Variants in GRIK3 observed in about 807,000 individuals in gnomAD.
GRIK3 encodes glutamate ionotropic receptor kainate type subunit 3.
In GRIK3, 29 loss-of-function variants were observed where a neutral mutation model predicts 102.5. The ratio of observed to expected loss-of-function variants is 0.28; its 90% CI spans 0.21 to 0.39. The LOEUF (loss-of-function observed/expected upper bound fraction) is 0.39, where lower values mean the gene tolerates loss of function less well. Ranked by LOEUF, GRIK3 falls within the 10% of genes least tolerant of loss-of-function variation. The probability of loss-of-function intolerance (pLI) is 1.00; values close to 1 mark genes in which losing one functional copy is unlikely to be tolerated. For synonymous variants in GRIK3, 511 were observed against 504.9 expected (o/e 1.01, Z -0.16); for missense variants, 908 against 1,252.4 (o/e 0.73, Z 4.15).
chr1:36,831,656 T>A (rs1640301180), intron 10 of GRIK3, among the ~76,000 whole-genome samples: 1 of 152,226 alleles, frequency 6.6e-6, no homozygotes, highest in African/African-American at 2.4e-5. Context: ...CCTGCAACGA[T>A]GAAAAGGTTC....
At position 36,920,935 on chromosome 1, in the gene GRIK3, C is replaced by A. The variant is rs531388940; in HGVS notation, c.116-29839G>T. On this transcript the variant is annotated intron_variant, in intron 1 of 15. Transcript: ENST00000373091. ...CCTGCATGCCTGCTGCCTCCCGCCC[C>A]CTCCATGCATACTGGCTGTTAGGAT... is the stretch of plus-strand genomic sequence containing the variant. Among the ~76,000 whole-genome samples, 3 of 152,228 alleles carry A rather than the reference C, an allele frequency of 2.0e-5. No individual in the cohort carries two copies. The South Asian group carries it at 6.2e-4, about 31-fold the overall frequency.
At chr1:37,026,654 G>A (rs765532407) in intron 1 of GRIK3, among the ~76,000 whole-genome samples, 8 of 152,180 alleles carry the variant, frequency 5.3e-5, no homozygotes, top group African/African-American at 1.2e-4. Flanking sequence ...AACAATAGCT[G>A]CACGTGGTTC....
intron 2 of GRIK3, among the ~76,000 whole-genome samples, chr1:36,888,125 C>T (rs556926329): frequency 6.6e-6 from 1 of 151,910 alleles, no homozygotes; most frequent in Non-Finnish European, 1.5e-5. Context: ...GGTAATAGCC[C>T]CAAGCAGAAA....
At chr1:37,016,243 A>T (rs1642651122) in intron 1 of GRIK3, among the ~76,000 whole-genome samples, 1 of 152,202 alleles carries the variant, frequency 6.6e-6, no homozygotes, top group South Asian at 2.1e-4. Flanking sequence ...TACACAGGGG[A>T]TTACAATGGA....
intron 10 of GRIK3, among the ~76,000 whole-genome samples, chr1:36,834,698 C>CA (rs1403909583): frequency 1.3e-5 from 2 of 152,170 alleles, no homozygotes; most frequent in Non-Finnish European, 2.9e-5. Context: ...GGGCGCACTC[C>CA]AAAGGATGCA....
At chr1:36,970,220 T>C (rs1642126655) in intron 1 of GRIK3, among the ~76,000 whole-genome samples, 1 of 152,190 alleles carries the variant, frequency 6.6e-6, no homozygotes, top group Admixed American at 6.5e-5. Context: ...CACTCTCTGC[T>C]ACGAGCTGGA....
intron 1 of GRIK3, among the ~76,000 whole-genome samples, chr1:36,898,774 A>G (rs1192131653): frequency 2.0e-5 from 3 of 152,200 alleles, no homozygotes; most frequent in Admixed American, 2.0e-4. Context: ...AACAAAGTTG[A>G]AAGACATTTC....
chr1:37,012,049 G>A (rs990513484), intron 1 of GRIK3, among the ~76,000 whole-genome samples: 1 of 152,158 alleles, frequency 6.6e-6, no homozygotes, highest in Non-Finnish European at 1.5e-5. Flanking sequence ...GGTGCTGGCC[G>A]AGGCAGCAAC....
intron 1 of GRIK3, among the ~76,000 whole-genome samples, chr1:36,970,126 G>A (rs1642125810): frequency 6.6e-6 from 1 of 152,124 alleles, no homozygotes; most frequent in South Asian, 2.1e-4. Context: ...AGCCACCAAA[G>A]GTTTAATAAA....
At chr1:36,965,117 C>G (rs1407874396) in intron 1 of GRIK3, among the ~76,000 whole-genome samples, 1 of 152,184 alleles carries the variant, frequency 6.6e-6, no homozygotes, top group African/African-American at 2.4e-5. Flanking sequence ...GCTGTCCTCA[C>G]TCAGAGTATG....
rs1260306923 is a variant in GRIK3, at chr1:36,959,729, TCC to T, written c.116-68635_116-68634del. On this transcript the variant is annotated intron_variant, in intron 1 of 15. Transcript: ENST00000373091. ...CCTGTGTGCTTTGTGAGTCGGTGTG[TCC>T]CATGAGTCTGTGCGCCCCATTGAGT... is the stretch of plus-strand genomic sequence containing the variant. 3.8e-5 allele frequency among the ~76,000 whole-genome samples: 4 copies of T among 105,860 alleles called. 1 individual carries two copies. The highest frequency in any genetic ancestry group is 1.3e-4 in the African/African-American group (4 of 30,238). 69.4% of individuals were successfully genotyped at this position (105,860 alleles called of 152,430 possible).
Position 36,950,962 on chromosome 1 carries a change from A to G in GRIK3, c.116-59866T>C, listed in dbSNP as rs142534432. 1.3e-3 allele frequency among the ~76,000 whole-genome samples: 200 copies of G among 152,384 alleles called. 1 individual carries two copies. The highest frequency in any genetic ancestry group is 1.5e-3 in the Admixed American group (23 of 15,310). The stretch of plus-strand genomic sequence containing the variant: ...TGGGGCATGATGCAGCCTCTGCTGC[A>G]GACTGGGGCCCCAGGTTTTTCTAAA... On this transcript the variant is annotated intron_variant, in intron 1 of 15. Transcript: ENST00000373091.
At chr1:36,940,167 G>A (rs576753589) in intron 1 of GRIK3, among the ~76,000 whole-genome samples, 1 of 152,372 alleles carries the variant, frequency 6.6e-6, no homozygotes, top group Admixed American at 6.5e-5. Flanking sequence ...ATCTCATGGA[G>A]AGGAAATGGA....
intron 13 of GRIK3, among the ~76,000 whole-genome samples, chr1:36,812,612 C>G (rs1210303397): frequency 1.3e-5 from 2 of 149,218 alleles, no homozygotes; most frequent in African/African-American, 5.1e-5. Context: ...CTGCTGCTCC[C>G]TGACAACTCT....
At chr1:36,954,707 A>AT in intron 1 of GRIK3, among the ~76,000 whole-genome samples, 1 of 152,036 alleles carries the variant, frequency 6.6e-6, no homozygotes, top group East Asian at 1.9e-4. Flanking sequence ...ACACAGGTCC[A>AT]CACACACGCA....
intron 7 of GRIK3, among the ~76,000 whole-genome samples, chr1:36,858,323 A>G (rs925210949): frequency 3.9e-5 from 6 of 152,234 alleles, no homozygotes; most frequent in Admixed American, 1.3e-4. Context: ...CAGCTCACCC[A>G]AAGTCACATA....
chr1:36,992,967 T>A (rs1445634642), intron 1 of GRIK3, among the ~76,000 whole-genome samples: 1 of 152,102 alleles, frequency 6.6e-6, no homozygotes, highest in Non-Finnish European at 1.5e-5. Context: ...ACATGGGGAC[T>A]CCAAGCTGTC....
intron 12 of GRIK3, among the ~76,000 whole-genome samples, chr1:36,818,320 C>CA: frequency 6.6e-6 from 1 of 152,022 alleles, no homozygotes; most frequent in African/African-American, 2.4e-5. Flanking sequence ...AGACGATGGA[C>CA]AAAAAAACAA....
intron 1 of GRIK3, among the ~76,000 whole-genome samples, chr1:36,895,242 G>A (rs1641160438): frequency 6.6e-6 from 1 of 151,800 alleles, no homozygotes. Context: ...AAAATTACAG[G>A]GCATACTAAA....
Sources: allele counts gnomAD v4.1 joint callset (sites outside exome capture counted in the v4.1 genomes callset), GRCh38; gene constraint gnomAD v4.1.1; transcripts MANE v1.5; gene names NCBI Gene and HGNC (gene_info 2026-07-23, HGNC 2026-07-21).